The following NCOA1 variants were observed in gnomAD, a reference collection of about 807,000 sequenced individuals.
NCOA1 encodes the protein nuclear receptor coactivator 1.
Under a neutral mutation model 150.9 loss-of-function variants are expected in NCOA1, and 35 were observed. That is an observed-to-expected ratio of 0.23 (90% CI 0.18 to 0.31). The LOEUF (loss-of-function observed/expected upper bound fraction) is 0.31. NCOA1 is among the 10% of genes least tolerant of loss of function. The probability of loss-of-function intolerance (pLI) is 1.00; values close to 1 mark genes in which losing one functional copy is unlikely to be tolerated. For synonymous variants in NCOA1, 590 were observed against 630.0 expected, an observed-to-expected ratio of 0.94 and a Z score of 0.95; for missense variants, 1,491 against 1,749.3, an observed-to-expected ratio of 0.85 and a Z score of 2.63.
intron 1 of NCOA1, among the ~76,000 whole-genome samples, chr2:24,492,405 C>G (rs1240558893): frequency 6.6e-6 from 1 of 152,220 alleles, no homozygotes; most frequent in Non-Finnish European, 1.5e-5. Context: ...CCAGTCCTTA[C>G]TACCCAGCTG....
At chr2:24,630,686 G>C (rs184780449) in intron 3 of NCOA1, among the ~76,000 whole-genome samples, 32 of 152,220 alleles carry the variant, frequency 2.1e-4, no homozygotes, top group Admixed American at 6.5e-4. Flanking sequence ...TGAATTCTTA[G>C]ATTTTTTAAG....
At position 24,762,672 on chromosome 2, in the gene NCOA1, ATTTATC is replaced by A; in HGVS notation, c.4066-10_4066-5del. 1.2e-6 allele frequency: 2 copies of A among 1,608,484 alleles called. No homozygotes were observed. Among genetic ancestry groups the A allele is most frequent in the Non-Finnish European group, 1.7e-6 (2 of 1,175,700 alleles). On this transcript the variant is annotated splice_polypyrimidine_tract_variant and intron_variant, in intron 21 of 22. Transcript: ENST00000348332. ...CAACTAGCTTGTAATTTGATCTTGTATTTATCTTTAATAGATAAATGATCCCGCACT... is the reference window on the plus strand; with the variant it reads ...CAACTAGCTTGTAATTTGATCTTGTATTTAATAGATAAATGATCCCGCACT...
chr2:24,502,541 C>G (rs1284150933), intron 1 of NCOA1, among the ~76,000 whole-genome samples: 1 of 152,194 alleles, frequency 6.6e-6, no homozygotes. Context: ...CAGAAACCTT[C>G]AGTGGTTCCT....
At chr2:24,537,924 CTT>C (rs989732945) in intron 1 of NCOA1, among the ~76,000 whole-genome samples, 6 of 152,132 alleles carry the variant, frequency 3.9e-5, no homozygotes, top group African/African-American at 1.4e-4. Flanking sequence ...TATCTGCTAA[CTT>C]TTTGTGTCTA....
intron 3 of NCOA1, among the ~76,000 whole-genome samples, chr2:24,628,517 A>T (rs563262281): frequency 1.3e-5 from 2 of 152,302 alleles, no homozygotes; most frequent in Admixed American, 1.3e-4. Flanking sequence ...ACTCTGCTCC[A>T]GATTAAAAAT....
Position 24,683,004 on chromosome 2 carries a change from G to A in NCOA1, c.408G>A (p.Val136=), listed in dbSNP as rs1672245816. 2 of 1,607,314 alleles carry A rather than the reference G, an allele frequency of 1.2e-6. No individual in the cohort carries two copies. Among genetic ancestry groups the A allele is most frequent in the Admixed American group, 1.7e-5 (1 of 58,770 alleles). ...VVNCEGRIVF[V]SENVTSYLGY... ...ACTGTGAAGGGAGAATTGTATTTGT[G>A]TCAGAGAATGTAACCAGCTACTTAG... Residue 136 remains valine (V), a synonymous_variant, in exon 8 of 23, where the codon GTG becomes GTA. Coordinates refer to ENST00000348332, the MANE Select transcript of NCOA1 (RefSeq NM_003743.5).
intron 2 of NCOA1, among the ~76,000 whole-genome samples, chr2:24,565,892 G>C (rs1364493231): frequency 2.0e-5 from 3 of 152,182 alleles, no homozygotes; most frequent in Non-Finnish European, 4.4e-5. Flanking sequence ...TGGCACCAGG[G>C]AATGCAGTGG....
At chr2:24,737,660 G>C (rs4487057) in intron 17 of NCOA1, among the ~76,000 whole-genome samples, 1 of 152,112 alleles carries the variant, frequency 6.6e-6, no homozygotes, top group African/African-American at 2.4e-5. Context: ...TGCAAGCTGA[G>C]CTCACTCATG....
At chr2:24,746,050 A>G (rs1663901120) in intron 19 of NCOA1, among the ~76,000 whole-genome samples, 2 of 152,236 alleles carry the variant, frequency 1.3e-5, no homozygotes, top group Admixed American at 6.5e-5. Context: ...TTCTTTTTAA[A>G]TAGCAAGTTC....
Position 24,633,181 on chromosome 2 carries a change from T to C in NCOA1, c.-174-10785T>C, listed in dbSNP as rs1035983476. On this transcript the variant is annotated intron_variant, in intron 3 of 22. Coordinates refer to ENST00000348332, the MANE Select transcript of NCOA1 (RefSeq NM_003743.5). ...ATATATATATACAAATACCCAGATA[T>C]GTGCATGCAGAAAGACTGGATGCTG... Among the ~76,000 whole-genome samples, 22 of 151,990 alleles carry C rather than the reference T, an allele frequency of 1.4e-4. No homozygotes were observed. The East Asian group carries it at 3.7e-3, about 25-fold the overall frequency.
chr2:24,507,198 G>T (rs1663735970), intron 1 of NCOA1, among the ~76,000 whole-genome samples: 1 of 152,166 alleles, frequency 6.6e-6, no homozygotes, highest in Non-Finnish European at 1.5e-5. Context: ...TGGATGAGGG[G>T]CTGTGTTAGG....
chr2:24,720,739 A>T (rs1674321853), intron 14 of NCOA1, among the ~76,000 whole-genome samples: 1 of 152,206 alleles, frequency 6.6e-6, no homozygotes, highest in African/African-American at 2.4e-5. Context: ...GGGAACAAAA[A>T]TATGATAGCG....
rs140701698 is a variant in NCOA1, at chr2:24,601,177, C to T, written c.-175+16617C>T. ...AGTGAAACTACATTTTTAATAATACCAGGAGGAAAGGATTTAATAGATCTT... is the reference window on the plus strand; with the variant it reads ...AGTGAAACTACATTTTTAATAATACTAGGAGGAAAGGATTTAATAGATCTT... On this transcript the variant is annotated intron_variant, in intron 3 of 22. Transcript: ENST00000348332. Among the ~76,000 whole-genome samples the T allele has an allele frequency of 7.0e-3, 1,067 of 151,440 alleles. 12 individuals are homozygous for T. Among genetic ancestry groups the T allele is most frequent in the African/African-American group, 0.024 (1,005 of 41,262 alleles).
chr2:24,571,823 A>G (rs1055916267), intron 2 of NCOA1, among the ~76,000 whole-genome samples: 1 of 152,182 alleles, frequency 6.6e-6, no homozygotes, highest in Non-Finnish European at 1.5e-5. Context: ...GTATCCAGAA[A>G]CCAAAGGATC....
chr2:24,532,864 T>G (rs1664955230), intron 1 of NCOA1, among the ~76,000 whole-genome samples: 2 of 152,206 alleles, frequency 1.3e-5, no homozygotes, highest in Non-Finnish European at 2.9e-5. Context: ...AGCCTTGTAG[T>G]ATAGTTGAAG....
intron 11 of NCOA1, among the ~76,000 whole-genome samples, chr2:24,698,637 C>G (rs1428517738): frequency 6.6e-6 from 1 of 152,092 alleles, no homozygotes; most frequent in Non-Finnish European, 1.5e-5. Context: ...ATTATGGTAG[C>G]CTAACATTCT....
chr2:24,545,476 T>C (rs1281915511), intron 1 of NCOA1, among the ~76,000 whole-genome samples: 2 of 152,200 alleles, frequency 1.3e-5, no homozygotes, highest in East Asian at 1.9e-4. Context: ...TCCCCACTTA[T>C]TTATCTTGTA....
intron 2 of NCOA1, among the ~76,000 whole-genome samples, chr2:24,576,164 T>TTTTTTTGTTTTTTTGTTTTTG (rs1558806561): frequency 9.4e-5 from 8 of 85,074 alleles, no homozygotes; most frequent in African/African-American, 3.8e-4. Context: ...TTTTTTTTTG[T>TTTTTTTGTTTTTTTGTTTTTG]TTTTTGTTTT....
chr2:24,508,797 G>T (rs1663811819), intron 1 of NCOA1, among the ~76,000 whole-genome samples: 1 of 152,072 alleles, frequency 6.6e-6, no homozygotes, highest in African/African-American at 2.4e-5. Context: ...TTTGGTGGGG[G>T]GAGGACAAGA....
Sources: allele counts gnomAD v4.1 joint callset (sites outside exome capture counted in the v4.1 genomes callset), GRCh38; gene constraint gnomAD v4.1.1; transcripts MANE v1.5; gene names NCBI Gene and HGNC (gene_info 2026-07-23, HGNC 2026-07-21).